Variants in WBP2 observed in about 807,000 individuals in gnomAD.
The protein encoded by WBP2 is WW domain binding protein 2.
A neutral mutation model predicts 33.0 loss-of-function variants in WBP2; 23 were observed. That is an observed-to-expected ratio of 0.70 (90% confidence interval 0.50 to 0.99). The LOEUF (loss-of-function observed/expected upper bound fraction) is 0.99, where lower values mean the gene tolerates loss of function less well. Among genes scored for constraint, WBP2 ranks in the 50% least tolerant of loss-of-function variants. The probability of loss-of-function intolerance (pLI) is 0.00; values close to 1 mark genes in which losing one functional copy is unlikely to be tolerated. For missense variants in WBP2, 353 were observed against 358.0 expected (o/e 0.99, Z 0.11); for synonymous variants, 153 against 133.5 (o/e 1.15, Z -1.01).
chr17:75,851,162 C>T (rs190751904), intron 2 of WBP2: 8 of 175,484 alleles, frequency 4.6e-5, no homozygotes, highest in South Asian at 2.5e-4. Context: ...CTGCCCAGTC[C>T]GGAGGCCGTG....
intron 2 of WBP2, among the ~76,000 whole-genome samples, 176 bp from the exon 3 acceptor site, chr17:75,849,915 G>A (rs553443768): frequency 1.3e-5 from 2 of 152,342 alleles, no homozygotes; most frequent in Admixed American, 1.3e-4. Context: ...AGGGCTCACC[G>A]CAGCCTGGAG....
upstream of WBP2, among the ~76,000 whole-genome samples, chr17:75,855,978 G>T (rs1488310685): frequency 6.6e-6 from 1 of 152,196 alleles, no homozygotes; most frequent in Non-Finnish European, 1.5e-5. Flanking sequence ...ATGGGAAGGG[G>T]AGGCCGTGTG....
At chr17:75,848,143 G>C in intron 4 of WBP2, 1 of 655,490 alleles carries the variant, frequency 1.5e-6, no homozygotes, top group East Asian at 2.7e-5. Flanking sequence ...GGGAAGGCAA[G>C]GGAGGTCAAG....
At chr17:75,851,887 T>C in intron 1 of WBP2, 1 of 365,172 alleles carries the variant, frequency 2.7e-6, no homozygotes, top group Non-Finnish European at 5.4e-6. Context: ...GGATGACCCC[T>C]GGTCAGGAGT....
intron 4 of WBP2, 182 bp downstream of exon 4, chr17:75,848,388 G>C: frequency 1.6e-6 from 1 of 623,228 alleles, no homozygotes; most frequent in Middle Eastern, 2.8e-4. Flanking sequence ...CAGTCTCTGA[G>C]GTACAGGACA....
intron 1 of WBP2, among the ~76,000 whole-genome samples, chr17:75,853,901 T>C (rs2065041988): frequency 6.6e-6 from 1 of 151,662 alleles, no homozygotes; most frequent in Admixed American, 6.6e-5. Context: ...AAAAATTAGC[T>C]GGGTGTAGTG....
chr17:75,847,996 C>T, intron 4 of WBP2, 66 bp from the exon 5 acceptor site: 1 of 1,543,696 alleles, frequency 6.5e-7, no homozygotes, highest in Non-Finnish European at 8.8e-7. Context: ...GGCAGCCCCG[C>T]TGCCTGCAGA....
At chr17:75,851,043 G>A (rs1015660519) in intron 2 of WBP2, among the ~76,000 whole-genome samples, 1 of 152,270 alleles carries the variant, frequency 6.6e-6, no homozygotes, top group East Asian at 1.9e-4. Flanking sequence ...CCTTTTCCAA[G>A]AACATCCATT....
At chr17:75,852,768 T>C (rs930347198) in intron 1 of WBP2, 2 of 985,124 alleles carry the variant, frequency 2.0e-6, no homozygotes, top group Admixed American at 6.2e-5. Flanking sequence ...TCTTCTATTT[T>C]CTTTTAAGTC....
In WBP2 at chr17:75,848,578, G is replaced by A; in HGVS notation, c.389C>T (p.Ala130Val). The A allele has an allele frequency of 6.2e-7, 1 of 1,613,834 alleles. No homozygotes were observed. The highest frequency in any genetic ancestry group is 8.5e-7 in the Non-Finnish European group (1 of 1,179,856). Residue 130 changes from alanine (A) to valine (V), a missense_variant, in exon 4 of 8, where the codon GCA (alanine) becomes GTA (valine). Physicochemically the swap from Ala to Val is moderately conservative, Grantham distance 64. Coordinates refer to ENST00000254806, the MANE Select transcript of WBP2 (RefSeq NM_012478.4). ...CTTCGGAGCCTGGATACCTTGAGAT[G>A]CCACCTGGAGCATCCGCTGTCCGAA... ...IEFGQRMLQV[A>V]SQASRGEVPS... is the part of the protein sequence containing the mutation.
intron 3 of WBP2, 26 bp downstream of exon 3, chr17:75,849,578 C>G (rs767366540): frequency 1.2e-6 from 2 of 1,613,224 alleles, no homozygotes; most frequent in Admixed American, 3.3e-5. Context: ...AGGCCCCATG[C>G]GTGTCCCTGA....
In WBP2 at chr17:75,847,877, C is replaced by T. The variant is rs146200069; in HGVS notation, c.451G>A (p.Gly151Arg). The change falls in exon 5 of 8, where the codon GGG (glycine) becomes AGG (arginine). Residue 151 changes from glycine (G) to arginine (R), a missense_variant. By Grantham distance (125) the Gly-to-Arg change is moderately radical. Transcript: ENST00000254806. Reference protein sequence around the residue: ...GAYGYSYMPSGAYVYPPPVAN... With the variant: ...GAYGYSYMPSRAYVYPPPVAN... Reference sequence around the variant, plus strand: ...ACTGGCGGGGGATAGACATAGGCCCCGCTGGGCATGTAAGAGTAGCCATAG... The same window carrying T: ...ACTGGCGGGGGATAGACATAGGCCCTGCTGGGCATGTAAGAGTAGCCATAG... 37 of 1,556,572 alleles carry T rather than the reference C, an allele frequency of 2.4e-5. No individual in the cohort carries two copies. The highest frequency in any genetic ancestry group is 1.7e-4 in the Admixed American group (9 of 51,494).
At chr17:75,847,398 G>A in intron 6 of WBP2, 89 bp downstream of exon 6, 2 of 1,538,866 alleles carry the variant, frequency 1.3e-6, no homozygotes, top group Non-Finnish European at 1.8e-6. Flanking sequence ...GCGGCTCTCA[G>A]CAGTCTCTGG....
chr17:75,849,723 T>C lies in WBP2; in HGVS notation c.185A>G (p.Lys62Arg). The part of the protein sequence containing the change: ...LTPYRVIFLS[K>R]GKDAMQSFMM... ...GAAGGACTGCATGGCATCCTTGCCC[T>C]TGGACAGAAAGATGACCTGCAGGGA... Residue 62 changes from lysine (K) to arginine (R), a missense_variant, in exon 3 of 8, where the codon AAG becomes AGG. Lys to Arg is a conservative substitution (Grantham distance 26, BLOSUM62 2). Transcript: ENST00000254806. The C allele has an allele frequency of 6.2e-7, 1 of 1,614,104 alleles. No homozygotes were observed. Among genetic ancestry groups the C allele is most frequent in the Middle Eastern group, 1.7e-4 (1 of 6,026 alleles).
intron 3 of WBP2, 22 bp from the exon 4 acceptor site, chr17:75,848,684 A>G: frequency 1.9e-6 from 3 of 1,598,832 alleles, no homozygotes; most frequent in Non-Finnish European, 2.6e-6. Context: ...AGGACAGTGA[A>G]TAAACAGCAC....
upstream of WBP2, among the ~76,000 whole-genome samples, chr17:75,856,020 G>C (rs1177071571): frequency 6.6e-6 from 1 of 152,218 alleles, no homozygotes; most frequent in Non-Finnish European, 1.5e-5. Flanking sequence ...TTCGCAGGCC[G>C]GCCGGGCGCC....
chr17:75,854,803 T>C (rs750435492), intron 1 of WBP2, among the ~76,000 whole-genome samples: 12 of 152,212 alleles, frequency 7.9e-5, no homozygotes, highest in Admixed American at 5.2e-4. Flanking sequence ...CCACTTTCCC[T>C]ACCTGTGAAA....
rs2064994437 is a variant in WBP2 at position 75,846,727 on chromosome 17, G to T, written c.*7C>A. ...GATGAGGGTGGGAGGCAGGGAGGCA[G>T]GAGGGCCTACTGGGTCTTCTTATCT... is the stretch of plus-strand genomic sequence containing the variant. On this transcript the variant is annotated 3_prime_UTR_variant, in exon 8 of 8. Coordinates refer to ENST00000254806, the MANE Select transcript of WBP2 (RefSeq NM_012478.4). The surrounding 1 kb of genome is among the most constrained non-coding windows in gnomAD (Gnocchi z 4.8). 6.6e-7 allele frequency: 1 copy of T among 1,517,504 alleles called. No individual in the cohort carries two copies. Among genetic ancestry groups the T allele is most frequent in the African/African-American group, 1.4e-5 (1 of 72,414 alleles). 94.0% of individuals were successfully genotyped at this position (1,517,504 alleles called of 1,614,324 possible). A position where few individuals can be genotyped will look rare whatever the true frequency, so the allele number is the denominator to read the frequency against.
In WBP2 at chr17:75,846,786, C is replaced by T; in HGVS notation, c.734G>A (p.Ser245Asn). ...GNPHNVYMPT[S>N]QPPPPPYYPP... ...GTAGTAGGGAGGTGGCGGCGGCTGG[C>T]TCTAAAGAAGGGAGAAAGGAGAGAC... Residue 245 changes from serine to asparagine, a missense_variant and splice_region_variant, in exon 8 of 8, where the codon AGC (serine) becomes AAC (asparagine). Physicochemically the swap from Ser to Asn is conservative, Grantham distance 46 (BLOSUM62 1). Transcript: ENST00000254806. This position sits in a 1 kb window ranked among gnomAD's most constrained non-coding sequence, Gnocchi z 4.8. The T allele has an allele frequency of 6.4e-7, 1 of 1,563,188 alleles. No individual in the cohort carries two copies. Among genetic ancestry groups the T allele is most frequent in the Non-Finnish European group, 8.7e-7 (1 of 1,153,258 alleles).
Sources: allele counts gnomAD v4.1 joint callset (sites outside exome capture counted in the v4.1 genomes callset), GRCh38; gene constraint gnomAD v4.1.1; non-coding constraint Gnocchi (gnomAD v3.1); transcripts MANE v1.5; gene names NCBI Gene and HGNC (gene_info 2026-07-23, HGNC 2026-07-21).